ANO6: variants seen among roughly 807,000 people sequenced by gnomAD.
ANO6 encodes the protein anoctamin 6, also known as anoctamin-6.
ANO6 carries 106 observed loss-of-function variants against 117.5 expected under a neutral mutation model. That is an observed-to-expected ratio of 0.90 (90% CI 0.77 to 1.06). ANO6 has a LOEUF of 1.06. Ranked by LOEUF, ANO6 falls within the 50% of genes least tolerant of loss-of-function variation. The pLI, the probability that ANO6 is intolerant of heterozygous loss-of-function variation, is 0.00. For synonymous variants in ANO6, 367 were observed against 385.1 expected, an observed-to-expected ratio of 0.95 and a Z score of 0.55; for missense variants, 955 against 1,121.1, an observed-to-expected ratio of 0.85 and a Z score of 2.12.
chr12:45,380,361 G>A (rs1017006416), intron 10 of ANO6, among the ~76,000 whole-genome samples: 3 of 152,164 alleles, frequency 2.0e-5, no homozygotes, highest in African/African-American at 7.2e-5. Context: ...TTTCACCTTT[G>A]AGGGGTGAGT....
intron 9 of ANO6, among the ~76,000 whole-genome samples, chr12:45,369,680 T>C (rs773637463): frequency 2.0e-5 from 3 of 152,202 alleles, no homozygotes; most frequent in Non-Finnish European, 2.9e-5. Flanking sequence ...GTTTGTGAAT[T>C]ATTTTTTCCT....
chr12:45,370,309 G>A (rs955089674), intron 9 of ANO6, among the ~76,000 whole-genome samples: 8 of 152,166 alleles, frequency 5.3e-5, no homozygotes, highest in African/African-American at 1.9e-4. Flanking sequence ...CTTCATCCAG[G>A]CCTAACTCCC....
In ANO6 at chr12:45,429,144, A is replaced by G; in HGVS notation, c.2566A>G (p.Ile856Val). ...YSVKFFISYA[I>V]PDVSKRTKSK... The stretch of plus-strand genomic sequence containing the variant: ...TGTGAAATTTTTCATTTCATATGCA[A>G]TTCCCGATGTATCAAAACGCACAAA... Residue 856 changes from isoleucine to valine, a missense_variant, in exon 20 of 20, where the codon ATT becomes GTT. Physicochemically the swap from Ile to Val is conservative, Grantham distance 29. Coordinates refer to ENST00000320560, the MANE Select transcript of ANO6 (RefSeq NM_001025356.3). 1 of 1,613,770 alleles carries G rather than the reference A, an allele frequency of 6.2e-7. No homozygotes were observed. Among genetic ancestry groups the G allele is most frequent in the Non-Finnish European group, 8.5e-7 (1 of 1,179,896 alleles).
chr12:45,305,999 A>G (rs549351789), intron 2 of ANO6, among the ~76,000 whole-genome samples: 1 of 152,282 alleles, frequency 6.6e-6, no homozygotes, highest in African/African-American at 2.4e-5. Flanking sequence ...CCAGGAACTC[A>G]GATGGGCCAG....
chr12:45,428,786 C>T (rs1033492663), intron 19 of ANO6, among the ~76,000 whole-genome samples: 3 of 152,182 alleles, frequency 2.0e-5, no homozygotes, highest in Non-Finnish European at 4.4e-5. Flanking sequence ...CAAAATACAA[C>T]AGCATTGTCA....
chr12:45,228,089 G>A, intron 1 of ANO6: 1 of 365,370 alleles, frequency 2.7e-6, no homozygotes. Context: ...AGTGGTCCCT[G>A]TGGCCTATCC....
At chr12:45,373,754 A>C (rs1365274391) in intron 9 of ANO6, among the ~76,000 whole-genome samples, 2 of 152,194 alleles carry the variant, frequency 1.3e-5, no homozygotes, top group African/African-American at 2.4e-5. Flanking sequence ...CCACAAGAGA[A>C]AGCAGGAAAG....
intron 12 of ANO6, among the ~76,000 whole-genome samples, chr12:45,393,508 C>G (rs1456969045): frequency 6.6e-6 from 1 of 152,138 alleles, no homozygotes; most frequent in African/African-American, 2.4e-5. Context: ...CACAAAGATA[C>G]TCCTTGAGAA....
Position 45,401,912 on chromosome 12 carries a change from C to T in ANO6, c.1504C>T (p.Leu502=), listed in dbSNP as rs1311514814. The part of the protein sequence containing the change: ...INGTDPIQKY[L]TPQTATSITA... The stretch of plus-strand genomic sequence containing the variant: ...TGGAACAGACCCAATCCAGAAATAC[C>T]TGACTCCACAGACAGCCACGTCCAT... Residue 502 remains leucine, a synonymous_variant, in exon 13 of 20, where the codon CTG becomes TTG. Transcript: ENST00000320560. The T allele has an allele frequency of 1.2e-6, 2 of 1,614,078 alleles. No homozygotes were observed. Among genetic ancestry groups the T allele is most frequent in the South Asian group, 1.1e-5 (1 of 91,070 alleles).
chr12:45,348,642 A>C lies in ANO6; in HGVS notation c.747+11A>C. 6.2e-7 allele frequency: 1 copy of C among 1,603,688 alleles called. No individual in the cohort carries two copies. Among genetic ancestry groups the C allele is most frequent in the Non-Finnish European group, 8.5e-7 (1 of 1,170,564 alleles). ...TTCCCACTCCATGATGTAAGTTAAAAGGCAAAAATGAACTAAAAGGCCTTC... is the reference window on the plus strand; with the variant it reads ...TTCCCACTCCATGATGTAAGTTAAACGGCAAAAATGAACTAAAAGGCCTTC... On this transcript the variant is annotated intron_variant, in intron 6 of 19. Coordinates refer to ENST00000320560, the MANE Select transcript of ANO6 (RefSeq NM_001025356.3).
intron 2 of ANO6, among the ~76,000 whole-genome samples, chr12:45,307,224 G>C (rs1270023232): frequency 1.3e-5 from 2 of 152,112 alleles, no homozygotes; most frequent in African/African-American, 4.8e-5. Context: ...GGGCTGTCCT[G>C]AGAATAGATT....
intron 1 of ANO6, among the ~76,000 whole-genome samples, chr12:45,286,028 G>A (rs1248100893): frequency 6.6e-6 from 1 of 152,186 alleles, no homozygotes; most frequent in Non-Finnish European, 1.5e-5. Flanking sequence ...TGGATATCCT[G>A]CTTCTGAAAA....
chr12:45,425,731 T>A (rs1217084007), intron 19 of ANO6, among the ~76,000 whole-genome samples: 4 of 152,192 alleles, frequency 2.6e-5, no homozygotes, highest in Admixed American at 1.3e-4. Context: ...ACAAATGCCT[T>A]CAGAGATGAG....
chr12:45,337,823 T>C (rs928739173), intron 3 of ANO6, among the ~76,000 whole-genome samples: 5 of 152,072 alleles, frequency 3.3e-5, no homozygotes, highest in African/African-American at 1.2e-4. Context: ...TAAATGCATA[T>C]GTTAATCAGC....
intron 18 of ANO6, among the ~76,000 whole-genome samples, chr12:45,421,907 T>G (rs1943375785): frequency 6.6e-6 from 1 of 152,204 alleles, no homozygotes; most frequent in Non-Finnish European, 1.5e-5. Flanking sequence ...CATCAACCTT[T>G]TTTCCTGGAC....
At chr12:45,260,043 C>T (rs1240751098) in intron 1 of ANO6, among the ~76,000 whole-genome samples, 1 of 152,198 alleles carries the variant, frequency 6.6e-6, no homozygotes, top group Non-Finnish European at 1.5e-5. Flanking sequence ...CTTGTATATA[C>T]TTTTGTTCTA....
chr12:45,407,493 C>A (rs866582654), intron 15 of ANO6, among the ~76,000 whole-genome samples: 4 of 63,596 alleles, frequency 6.3e-5, no homozygotes, highest in Admixed American at 1.2e-4. Flanking sequence ...CCCCCCCCCC[C>A]CCCCCCGGAA....
chr12:45,417,715 A>G (rs1592043356), intron 17 of ANO6, among the ~76,000 whole-genome samples: 1 of 152,322 alleles, frequency 6.6e-6, no homozygotes, highest in Non-Finnish European at 1.5e-5. Flanking sequence ...TTTCACTGAC[A>G]GTCTCACTCC....
chr12:45,319,297 C>A (rs1248093105), intron 2 of ANO6, among the ~76,000 whole-genome samples: 1 of 152,134 alleles, frequency 6.6e-6, no homozygotes, highest in African/African-American at 2.4e-5. Context: ...TCCATCAATA[C>A]CTAGTTGATT....
Sources: allele counts gnomAD v4.1 joint callset (sites outside exome capture counted in the v4.1 genomes callset), GRCh38; gene constraint gnomAD v4.1.1; transcripts MANE v1.5; gene names NCBI Gene and HGNC (gene_info 2026-07-23, HGNC 2026-07-21).